KIR3DL1: variants seen among roughly 807,000 people sequenced by gnomAD.
The protein encoded by KIR3DL1 is killer cell immunoglobulin-like receptor 3DL1.
In KIR3DL1, 50 loss-of-function variants were observed where a neutral mutation model predicts 40.3. That is an observed-to-expected ratio of 1.24 (90% confidence interval 0.99 to 1.57). The LOEUF is 1.57. Ranked by LOEUF, KIR3DL1 falls within the 40% of genes most tolerant of loss-of-function variation. The pLI is 0.00. For missense variants in KIR3DL1, 661 were observed against 559.9 expected, an observed-to-expected ratio of 1.18 and a Z score of -1.82; for synonymous variants, 257 against 207.2, an observed-to-expected ratio of 1.24 and a Z score of -2.07.
At chr19:54,830,442 C>A in exon 9 of KIR3DL1, 1 of 877,416 alleles carries the variant, frequency 1.1e-6, no homozygotes, top group Non-Finnish European at 1.8e-6. Context: ...CTCTTGCTTA[C>A]AAATGTCTAG....
At chr19:54,820,940 G>A (rs989489683) in intron 4 of KIR3DL1, among the ~76,000 whole-genome samples, 3 of 150,974 alleles carry the variant, frequency 2.0e-5, no homozygotes, top group Admixed American at 1.3e-4. Context: ...ATGATAAATA[G>A]GTAGATGATA....
rs1027447935 is a variant in KIR3DL1, at chr19:54,828,864, G to A, written c.1001-497G>A. Among the ~76,000 whole-genome samples, 5 of 141,548 alleles carry A rather than the reference G, an allele frequency of 3.5e-5. 1 individual carries two copies. The highest frequency in any genetic ancestry group is 7.3e-5 in the Admixed American group (1 of 13,726). 92.9% of individuals were successfully genotyped at this position (141,548 alleles called of 152,430 possible). A position where few individuals can be genotyped will look rare whatever the true frequency, so the allele number is the denominator to read the frequency against. On this transcript the variant is annotated intron_variant, in intron 6 of 8. Transcript: ENST00000391728. ...CTATTTCTTATGATGGCCTCAGGCC[G>A]CTCCCACTCTGGCAGAAGGGAAGGA...
At chr19:54,830,284 G>T in exon 9 of KIR3DL1, 2 of 1,523,216 alleles carry the variant, frequency 1.3e-6, no homozygotes, top group Non-Finnish European at 1.8e-6. Flanking sequence ...GAGCACCACA[G>T]TCAGGCCTTG....
At chr19:54,822,749 G>T (rs1484764160) in intron 5 of KIR3DL1, among the ~76,000 whole-genome samples, 14 of 80,210 alleles carry the variant, frequency 1.7e-4, no homozygotes, top group Non-Finnish European at 3.8e-4. Context: ...TCCTGCATGT[G>T]GGTGAGAAAT....
At chr19:54,825,762 A>ATG (rs2061852976) in intron 6 of KIR3DL1, among the ~76,000 whole-genome samples, 1 of 148,548 alleles carries the variant, frequency 6.7e-6, no homozygotes, top group Non-Finnish European at 1.5e-5. Context: ...CCCTCTGAGG[A>ATG]TTCCAGGCAA....
intron 6 of KIR3DL1, among the ~76,000 whole-genome samples, chr19:54,825,715 T>C (rs71367111): frequency 0.46 from 64,264 of 139,658 alleles, 11,945 homozygotes; most frequent in Non-Finnish European, 0.52. Context: ...AAGTGCATCT[T>C]ACTGGGCTAA....
rs189714600 is a variant in KIR3DL1 at position 54,828,003 on chromosome 19, G to A, written c.1001-1358G>A. Among the ~76,000 whole-genome samples the A allele has an allele frequency of 2.6e-4, 39 of 150,172 alleles. 3 individuals are homozygous for A. Among genetic ancestry groups the A allele is most frequent in the African/African-American group, 9.7e-4 (39 of 40,162 alleles). On this transcript the variant is annotated intron_variant, in intron 6 of 8. Coordinates refer to ENST00000391728, the Ensembl canonical transcript of KIR3DL1. ...CCAGATCTTGGAATCAGAGATCAGT[G>A]CCAGCACTAGCTCCTGCTCCCCTTT... is the stretch of plus-strand genomic sequence containing the variant.
At chr19:54,818,870 G>C (rs60681743) in intron 3 of KIR3DL1, among the ~76,000 whole-genome samples, 17,925 of 150,684 alleles carry the variant, frequency 0.12, 1,459 homozygotes, top group Non-Finnish European at 0.15. Flanking sequence ...AGTTGACCTT[G>C]AGATGGGGAG....
exon 4 of KIR3DL1, chr19:54,819,831 G>T: frequency 6.2e-7 from 1 of 1,612,060 alleles, no homozygotes; most frequent in Non-Finnish European, 8.5e-7. Context: ...TGCACAAAGA[G>T]GGGATCTCTA....
exon 3 of KIR3DL1, chr19:54,818,534 G>T (rs370134197): frequency 3.1e-6 from 5 of 1,611,536 alleles, no homozygotes; most frequent in South Asian, 1.1e-5. Context: ...ACATGTCGGG[G>T]TTCACACCCA....
Position 54,829,995 on chromosome 19 carries a change from G to A in KIR3DL1, c.1158+15G>A, listed in dbSNP as rs776434442. ...CCAACAGCGAGGTAGGTGCTCCTCGGCCCAGCCTCGTGGCTAGTGTTATTC... is the reference window on the plus strand; with the variant it reads ...CCAACAGCGAGGTAGGTGCTCCTCGACCCAGCCTCGTGGCTAGTGTTATTC... On this transcript the variant is annotated intron_variant, in intron 8 of 8. Transcript: ENST00000391728. The A allele has an allele frequency of 2.0e-6, 3 of 1,528,962 alleles. 1 individual carries two copies. The highest frequency in any genetic ancestry group is 2.7e-6 in the Non-Finnish European group (3 of 1,125,414). 94.7% of individuals were successfully genotyped at this position (1,528,962 alleles called of 1,614,324 possible). A position where few individuals can be genotyped will look rare whatever the true frequency, so the allele number is the denominator to read the frequency against.
exon 9 of KIR3DL1, chr19:54,830,644 G>C: frequency 3.6e-6 from 1 of 277,510 alleles, no homozygotes; most frequent in Non-Finnish European, 6.7e-6. Flanking sequence ...TTACCCACGT[G>C]CTGTTCCACC....
chr19:54,830,175 C>A, exon 9 of KIR3DL1: 1 of 1,524,396 alleles, frequency 6.6e-7, no homozygotes. Context: ...AGAAAAATCA[C>A]TCGCCCTTCT....
rs879220013 is a variant in KIR3DL1, at chr19:54,816,780, C to G, written c.34+246C>G. 2.0e-4 allele frequency among the ~76,000 whole-genome samples: 20 copies of G among 100,660 alleles called. 1 individual carries two copies. The South Asian group carries it at 6.5e-3, about 33-fold the overall frequency. The allele number at this position is 100,660 out of a possible 152,430, so 66.0% of individuals were successfully genotyped here. On this transcript the variant is annotated intron_variant, in intron 1 of 8. Coordinates refer to ENST00000391728, the Ensembl canonical transcript of KIR3DL1. Reference sequence around the variant, plus strand: ...ATGGGCCTGGGGTGGAGATATGTGCCTGGGGTGGAGAGATGGGCCTGGAGG... The same window carrying G: ...ATGGGCCTGGGGTGGAGATATGTGCGTGGGGTGGAGAGATGGGCCTGGAGG...
chr19:54,820,038 A>T, intron 4 of KIR3DL1, 26 bp downstream of exon 4: 1 of 1,600,572 alleles, frequency 6.2e-7, no homozygotes, highest in Non-Finnish European at 8.5e-7. Context: ...CATTGTTCTC[A>T]TTGTCACTGG....
In KIR3DL1 at chr19:54,821,749, C is replaced by T. The variant is rs765913238; in HGVS notation, c.840C>T (p.Phe280=). 19 of 1,607,890 alleles carry T rather than the reference C, an allele frequency of 1.2e-5. No individual in the cohort carries two copies. The East Asian group carries it at 2.2e-4, about 19-fold the overall frequency. Residue 280 remains phenylalanine (F), a synonymous_variant, in exon 5 of 9, where the codon TTC becomes TTT. Transcript: ENST00000391728. Reference sequence around the variant, plus strand: ...TCAACAGAACATTCCAGGCAGATTTCCCTCTGGGCCCTGCCACCCACGGAG... The same window carrying T: ...TCAACAGAACATTCCAGGCAGATTTTCCTCTGGGCCCTGCCACCCACGGAG...
intron 6 of KIR3DL1, among the ~76,000 whole-genome samples, chr19:54,827,730 C>T (rs540761590): frequency 6.6e-6 from 1 of 150,952 alleles, no homozygotes; most frequent in South Asian, 2.1e-4. Context: ...GATCCTTTAT[C>T]TTATCCATTA....
chr19:54,829,587 G>A (rs1601445480), intron 7 of KIR3DL1, 122 bp downstream of exon 7: 2 of 898,456 alleles, frequency 2.2e-6, no homozygotes, highest in South Asian at 1.7e-5. Flanking sequence ...AGCCACAGAG[G>A]CAGGACTTTC....
intron 3 of KIR3DL1, among the ~76,000 whole-genome samples, chr19:54,819,101 C>T (rs1186777820): frequency 6.6e-6 from 1 of 151,314 alleles, no homozygotes; most frequent in Non-Finnish European, 1.5e-5. Context: ...AGAGGGAACG[C>T]AGCCCTGTAG....
Sources: allele counts gnomAD v4.1 joint callset (sites outside exome capture counted in the v4.1 genomes callset), GRCh38; gene constraint gnomAD v4.1.1; transcripts MANE v1.5; gene names NCBI Gene and HGNC (gene_info 2026-07-23, HGNC 2026-07-21).